Variants in VRK1 observed in about 807,000 individuals in gnomAD.
VRK1 encodes the protein VRK serine/threonine kinase 1, also known as serine/threonine-protein kinase VRK1.
VRK1 carries 33 observed loss-of-function variants against 57.1 expected under a neutral mutation model. The observed-to-expected ratio is 0.58, with a 90% CI of 0.44 to 0.77. VRK1 has a LOEUF of 0.77. Among genes scored for constraint, VRK1 ranks in the 30% least tolerant of loss-of-function variants. VRK1 has a pLI of 0.00. For synonymous variants in VRK1, 137 were observed against 147.8 expected (o/e 0.93, Z 0.53); for missense variants, 413 against 477.3 (o/e 0.87, Z 1.25).
intron 1 of VRK1, among the ~76,000 whole-genome samples, chr14:96,802,267 C>G (rs902797812): frequency 6.6e-6 from 1 of 152,094 alleles, no homozygotes; most frequent in Admixed American, 6.6e-5. Flanking sequence ...GAGCCTTTAT[C>G]CTAGAGAAAT....
intron 2 of VRK1, among the ~76,000 whole-genome samples, chr14:96,835,507 CCTGT>C (rs1173789348): frequency 1.3e-5 from 2 of 151,982 alleles, no homozygotes; most frequent in African/African-American, 4.8e-5. Context: ...CGTTGATTTC[CCTGT>C]CTTTTATCTG....
intron 12 of VRK1, chr14:96,877,347 C>T: frequency 2.4e-6 from 1 of 409,560 alleles, no homozygotes; most frequent in Non-Finnish European, 4.4e-6. Flanking sequence ...TCTGTTTTAA[C>T]CCAAAGAATA....
intron 1 of VRK1, among the ~76,000 whole-genome samples, chr14:96,801,532 T>C (rs1885661143): frequency 1.3e-5 from 2 of 151,662 alleles, no homozygotes; most frequent in Non-Finnish European, 2.9e-5. Context: ...GCTATCAACA[T>C]AGAGATTATA....
chr14:96,824,836 G>A (rs1886740290), intron 1 of VRK1, among the ~76,000 whole-genome samples: 1 of 151,736 alleles, frequency 6.6e-6, no homozygotes, highest in East Asian at 1.9e-4. Context: ...TGTATTTTTA[G>A]TAGAGACGGG....
intron 1 of VRK1, among the ~76,000 whole-genome samples, chr14:96,809,485 A>G (rs1157298778): frequency 1.3e-5 from 2 of 151,236 alleles, no homozygotes; most frequent in African/African-American, 4.9e-5. Flanking sequence ...GCATACTTTT[A>G]TATTCATTTT....
Position 96,856,558 on chromosome 14 carries a change from C to G in VRK1, c.861C>G (p.Asp287Glu). Residue 287 changes from aspartate to glutamate, a missense_variant, in exon 10 of 13, where the codon GAC (aspartate) becomes GAG (glutamate). Around this residue, in one of 3 missense-constraint regions of VRK1, gnomAD observed 146 missense variants for 138.2 expected, o/e 1.06. Transcript: ENST00000216639. ...RYRENIASLM[D>E]KCFPEKNKPG... ...GAGAAAATATTGCAAGTTTGATGGA[C>G]AAATGTTTTCCTGAGAAAAACAAAC... 1 of 1,613,674 alleles carries G rather than the reference C, an allele frequency of 6.2e-7. No individual in the cohort carries two copies.
At chr14:96,839,318 G>T (rs531092540) in intron 3 of VRK1, among the ~76,000 whole-genome samples, 1 of 152,092 alleles carries the variant, frequency 6.6e-6, no homozygotes, top group East Asian at 1.9e-4. Context: ...AAACATTCTT[G>T]TACAAGTGTT....
intron 1 of VRK1, among the ~76,000 whole-genome samples, chr14:96,822,825 A>T (rs1042239743): frequency 1.3e-5 from 2 of 152,166 alleles, no homozygotes; most frequent in Non-Finnish European, 2.9e-5. Flanking sequence ...CAGAGTCCTG[A>T]CAGTAGCCTT....
In VRK1 at chr14:96,853,173, T is replaced by C; in HGVS notation, c.576+7T>C. Reference sequence around the variant, plus strand: ...CTACAAGAATCCTGACCAGGTAGTTTTATAACTTTAATTTCTACTATTTAA... The same window carrying C: ...CTACAAGAATCCTGACCAGGTAGTTCTATAACTTTAATTTCTACTATTTAA... On this transcript the variant is annotated splice_region_variant and intron_variant, in intron 7 of 12. Coordinates refer to ENST00000216639, the MANE Select transcript of VRK1 (RefSeq NM_003384.3). 1 of 1,610,004 alleles carries C rather than the reference T, an allele frequency of 6.2e-7. No individual in the cohort carries two copies. The highest frequency in any genetic ancestry group is 1.1e-5 in the South Asian group (1 of 91,008).
Position 96,811,284 on chromosome 14 carries a change from T to C in VRK1, c.-6+13837T>C, listed in dbSNP as rs115274880. On this transcript the variant is annotated intron_variant, in intron 1 of 12. Transcript: ENST00000216639. ...TGCCAGGAGCTCATCATGCTTTGTT[T>C]AGTAAGTCATGGTAGAAGACACCAA... Among the ~76,000 whole-genome samples the C allele has an allele frequency of 5.7e-3, 862 of 152,290 alleles. 5 individuals carry two copies. The highest frequency in any genetic ancestry group is 0.019 in the African/African-American group (781 of 41,564).
chr14:96,865,367 C>CCCTA (rs1234113493), intron 11 of VRK1, among the ~76,000 whole-genome samples: 1 of 152,136 alleles, frequency 6.6e-6, no homozygotes, highest in Non-Finnish European at 1.5e-5. Flanking sequence ...TTTCTAGATA[C>CCCTA]CCTATTCTGT....
chr14:96,862,796 C>G lies in VRK1; in HGVS notation c.1068+2061C>G, dbSNP rs116435171. On this transcript the variant is annotated intron_variant, in intron 11 of 12. Coordinates refer to ENST00000216639, the MANE Select transcript of VRK1 (RefSeq NM_003384.3). ...TCAAAACTAAATATGATGCTTAGTT[C>G]TAGAAACTGTTAATTTTAATAATTA... 7.4e-3 allele frequency among the ~76,000 whole-genome samples: 1,126 copies of G among 151,950 alleles called. 14 individuals are homozygous for G. The highest frequency in any genetic ancestry group is 0.026 in the African/African-American group (1,071 of 41,458).
At chr14:96,839,084 GTTTTTTT>G (rs555020075) in intron 3 of VRK1, among the ~76,000 whole-genome samples, 1 of 112,404 alleles carries the variant, frequency 8.9e-6, no homozygotes, top group Non-Finnish European at 1.8e-5. Flanking sequence ...CTTGTCTTGA[GTTTTTTT>G]TTTTTTTTTT....
chr14:96,874,703 C>T (rs1195305095), intron 11 of VRK1, among the ~76,000 whole-genome samples: 1 of 152,148 alleles, frequency 6.6e-6, no homozygotes, highest in Non-Finnish European at 1.5e-5. Flanking sequence ...CCACAGCCAC[C>T]TTAAGAATGT....
chr14:96,833,626 A>C lies in VRK1; in HGVS notation c.155A>C (p.Tyr52Ser). 6.2e-7 allele frequency: 1 copy of C among 1,613,626 alleles called. No individual in the cohort carries two copies. The highest frequency in any genetic ancestry group is 8.5e-7 in the Non-Finnish European group (1 of 1,179,596). Residue 52 changes from tyrosine (Y) to serine (S), a missense_variant, in exon 2 of 13, where the codon TAT becomes TCT. Tyr to Ser is a moderately radical substitution (Grantham distance 144, BLOSUM62 -2). Around this residue, in one of 3 missense-constraint regions of VRK1, gnomAD observed 116 missense variants for 113.6 expected, o/e 1.02. Transcript: ENST00000216639. Reference sequence around the variant, plus strand: ...GGCCAAGGAGGCTTTGGCTGTATATATCTTGGTAAGTGTGTGACTGCTTCT... The same window carrying C: ...GGCCAAGGAGGCTTTGGCTGTATATCTCTTGGTAAGTGTGTGACTGCTTCT... The part of the protein sequence containing the change: ...PIGQGGFGCI[Y>S]LADMNSSESV...
chr14:96,843,169 A>G (rs1300449675), intron 3 of VRK1, among the ~76,000 whole-genome samples: 2 of 152,192 alleles, frequency 1.3e-5, no homozygotes, highest in Admixed American at 6.5e-5. Context: ...TTATTTCTGA[A>G]AGTAACTGTG....
At chr14:96,873,561 T>G (rs1299257427) in intron 11 of VRK1, among the ~76,000 whole-genome samples, 2 of 152,204 alleles carry the variant, frequency 1.3e-5, no homozygotes, top group Non-Finnish European at 2.9e-5. Flanking sequence ...CTGTGAGACC[T>G]GATACAGAAT....
intron 1 of VRK1, among the ~76,000 whole-genome samples, chr14:96,809,012 G>A (rs149406897): frequency 0.01 from 1,541 of 151,476 alleles, 24 homozygotes; most frequent in South Asian, 0.053. Flanking sequence ...ATCTGATACT[G>A]TTGACCAAAC....
At chr14:96,856,448 A>G (rs926092452) in intron 9 of VRK1, 80 bp from the exon 10 acceptor site, 34 of 1,376,750 alleles carry the variant, frequency 2.5e-5, no homozygotes, top group Admixed American at 5.6e-5. Flanking sequence ...AGCACAATAT[A>G]GCTTAATGTG....
Sources: allele counts gnomAD v4.1 joint callset (sites outside exome capture counted in the v4.1 genomes callset), GRCh38; gene constraint gnomAD v4.1.1; regional missense constraint gnomAD v4.1.1; transcripts MANE v1.5; gene names NCBI Gene and HGNC (gene_info 2026-07-23, HGNC 2026-07-21).